Variants in DNAH5 observed in about 807,000 individuals in gnomAD.
DNAH5 encodes dynein axonemal heavy chain 5.
In DNAH5, 372 loss-of-function variants were observed where a neutral mutation model predicts 518.2. The observed-to-expected ratio is 0.72, with a 90% CI of 0.66 to 0.78. The LOEUF (loss-of-function observed/expected upper bound fraction) is 0.78, where lower values mean the gene tolerates loss of function less well. Ranked by LOEUF, DNAH5 falls within the 30% of genes least tolerant of loss-of-function variation. The pLI, the probability that DNAH5 is intolerant of heterozygous loss-of-function variation, is 0.00. For missense variants in DNAH5, 5,523 were observed against 5,687.0 expected (o/e 0.97, Z 0.93); for synonymous variants, 2,039 against 2,025.9 (o/e 1.01, Z -0.17).
intron 45 of DNAH5, 85 bp from the exon 46 acceptor site, chr5:13,809,271 A>G: frequency 2.7e-6 from 4 of 1,498,238 alleles, no homozygotes; most frequent in Non-Finnish European, 3.7e-6. Context: ...AAATCTTATG[A>G]GGTCACCTTC....
At chr5:13,825,346 A>AAAAAAAAAAATAAATAAAT (rs1554065834) in intron 38 of DNAH5, among the ~76,000 whole-genome samples, 5 of 150,508 alleles carry the variant, frequency 3.3e-5, no homozygotes, top group African/African-American at 1.2e-4. Context: ...TGTCTTGCAA[A>AAAAAAAAAAATAAATAAAT]AAATAAATAA....
At chr5:13,827,587 G>A (rs186571570) in intron 38 of DNAH5, among the ~76,000 whole-genome samples, 2 of 150,486 alleles carry the variant, frequency 1.3e-5, no homozygotes, top group East Asian at 4.0e-4. Context: ...TGAGACTTTG[G>A]ACTTAGACTT....
chr5:13,748,330 C>T (rs1033295967), intron 65 of DNAH5, among the ~76,000 whole-genome samples: 1 of 152,122 alleles, frequency 6.6e-6, no homozygotes, highest in African/African-American at 2.4e-5. Context: ...CAGCTTTGTT[C>T]TTTTGGCTTA....
At chr5:13,940,968 C>T (rs1779404692) in intron 1 of DNAH5, among the ~76,000 whole-genome samples, 1 of 152,204 alleles carries the variant, frequency 6.6e-6, no homozygotes, top group African/African-American at 2.4e-5. Flanking sequence ...TTTGCACATA[C>T]AGTTACATTC....
chr5:13,722,505 G>C (rs1745187379), intron 70 of DNAH5, among the ~76,000 whole-genome samples: 1 of 139,236 alleles, frequency 7.2e-6, no homozygotes, highest in Non-Finnish European at 1.6e-5. Context: ...AGCTTGGTAA[G>C]AGAGGTACAA....
At chr5:13,769,410 C>T in intron 57 of DNAH5, 91 bp downstream of exon 57, 1 of 1,068,038 alleles carries the variant, frequency 9.4e-7, no homozygotes, top group African/African-American at 1.6e-5. Context: ...GTATACTTCA[C>T]TAGTTATAGC....
At chr5:13,702,115 A>T (rs146570164) in intron 76 of DNAH5, among the ~76,000 whole-genome samples, 1 of 152,356 alleles carries the variant, frequency 6.6e-6, no homozygotes, top group African/African-American at 2.4e-5. Context: ...CACCTGTGGA[A>T]CTTCCATTAT....
At chr5:13,949,600 A>G (rs1300236356), upstream of DNAH5, among the ~76,000 whole-genome samples, 2 of 152,260 alleles carry the variant, frequency 1.3e-5, no homozygotes, top group African/African-American at 4.8e-5. Flanking sequence ...AGAGGAGGAC[A>G]CAGAAAGCTG....
At chr5:13,769,244 GTTGTTT>G in intron 57 of DNAH5, 108 bp from the exon 58 acceptor site, 2 of 879,236 alleles carry the variant, frequency 2.3e-6, no homozygotes, top group Non-Finnish European at 3.3e-6. Flanking sequence ...ACCCAGTTTT[GTTGTTT>G]TTTTTTTTTT....
intron 17 of DNAH5, among the ~76,000 whole-genome samples, chr5:13,888,466 T>TA (rs1772728158): frequency 1.3e-5 from 2 of 152,242 alleles, no homozygotes; most frequent in African/African-American, 4.8e-5. Flanking sequence ...ACCATGAACA[T>TA]AAAATCACAA....
At chr5:13,764,550 A>T (rs1464058916) in intron 59 of DNAH5, among the ~76,000 whole-genome samples, 1 of 152,212 alleles carries the variant, frequency 6.6e-6, no homozygotes, top group African/African-American at 2.4e-5. Flanking sequence ...CAGAGTAGCT[A>T]AAAGAAAATG....
Position 13,830,109 on chromosome 5 carries a change from T to C in DNAH5, c.6166A>G (p.Lys2056Glu), listed in dbSNP as rs1763435836. The stretch of plus-strand genomic sequence containing the variant: ...ATAAAAGACTTTTTGTGCTCCTTTT[T>C]ACATGTCAGAATAATGGAAATTTGC... Reference protein sequence around the residue: ...AQQISIILTCKKEHKKSFIFT... With the variant: ...AQQISIILTCEKEHKKSFIFT... Residue 2056 changes from lysine (K) to glutamate (E), a missense_variant, in exon 37 of 79, where the codon AAA becomes GAA. Physicochemically the swap from Lys to Glu is moderately conservative, Grantham distance 56. Transcript: ENST00000265104. 8 of 1,613,908 alleles carry C rather than the reference T, an allele frequency of 5.0e-6. No individual in the cohort carries two copies. Among genetic ancestry groups the C allele is most frequent in the African/African-American group, 1.3e-5 (1 of 74,918 alleles).
At chr5:13,988,786 G>A (rs1192190846) in intron 1 of DNAH5, among the ~76,000 whole-genome samples, 1 of 146,222 alleles carries the variant, frequency 6.8e-6, no homozygotes, top group African/African-American at 2.5e-5. Context: ...CAGTGGTGTG[G>A]TGCGATCTCA....
At chr5:13,717,610 T>C (rs1177726998) in intron 72 of DNAH5, 90 bp from the exon 73 acceptor site, 7 of 1,086,190 alleles carry the variant, frequency 6.4e-6, no homozygotes, top group South Asian at 1.3e-5. Flanking sequence ...TGTAAATCCC[T>C]GATATTAAAA....
rs141368864 is a variant in DNAH5 at position 13,720,950 on chromosome 5, T to C, written c.12279+50A>G. 9,417 of 1,613,016 alleles carry C rather than the reference T, an allele frequency of 5.8e-3. 44 individuals carry two copies. The highest frequency in any genetic ancestry group is 6.9e-3 in the Non-Finnish European group (8,164 of 1,179,150). On this transcript the variant is annotated intron_variant, in intron 71 of 78. Transcript: ENST00000265104. ...ATTTTTCTTCTGCATTGCTATTCTA[T>C]AACCTGTAATATGAACAGCATGGCA...
intron 30 of DNAH5, among the ~76,000 whole-genome samples, 154 bp from the exon 31 acceptor site, chr5:13,850,969 C>T (rs1766753290): frequency 6.6e-6 from 1 of 152,152 alleles, no homozygotes; most frequent in Admixed American, 6.5e-5. Flanking sequence ...TATTGAAGTT[C>T]TTATTGGGCT....
At chr5:13,791,670 C>T (rs1298689012) in intron 50 of DNAH5, among the ~76,000 whole-genome samples, 1 of 151,948 alleles carries the variant, frequency 6.6e-6, no homozygotes, top group African/African-American at 2.4e-5. Flanking sequence ...CGATTGTTTC[C>T]ATTATTTAGT....
Position 13,768,949 on chromosome 5 carries a change from C to A in DNAH5, c.9897+11G>T. The A allele has an allele frequency of 6.2e-7, 1 of 1,614,110 alleles. No homozygotes were observed. The highest frequency in any genetic ancestry group is 1.1e-5 in the South Asian group (1 of 91,088). On this transcript the variant is annotated intron_variant, in intron 58 of 78. Transcript: ENST00000265104. ...CCTAAAGCTGACATCTGTTATATCA[C>A]ATAGATGCACCTGCAATGCAGCTTC...
At chr5:13,854,533 T>C (rs902236792) in intron 30 of DNAH5, among the ~76,000 whole-genome samples, 2 of 152,154 alleles carry the variant, frequency 1.3e-5, no homozygotes, top group African/African-American at 4.8e-5. Context: ...TAACCTTAAA[T>C]GTAAACGGGG....
Sources: allele counts gnomAD v4.1 joint callset (sites outside exome capture counted in the v4.1 genomes callset), GRCh38; gene constraint gnomAD v4.1.1; transcripts MANE v1.5; gene names NCBI Gene and HGNC (gene_info 2026-07-23, HGNC 2026-07-21).